ZGRF1: variants seen among roughly 807,000 people sequenced by gnomAD.
The protein encoded by ZGRF1 is zinc finger GRF-type containing 1.
A neutral mutation model predicts 203.5 loss-of-function variants in ZGRF1; 196 were observed. That is an observed-to-expected ratio of 0.96 (90% CI 0.86 to 1.08). The LOEUF (loss-of-function observed/expected upper bound fraction) is 1.08. Among genes scored for constraint, ZGRF1 ranks in the 50% least tolerant of loss-of-function variants. The pLI, the probability that ZGRF1 is intolerant of heterozygous loss-of-function variation, is 0.00. For missense variants in ZGRF1, 2,326 were observed against 2,416.3 expected, an observed-to-expected ratio of 0.96 and a Z score of 0.78; for synonymous variants, 809 against 841.3, an observed-to-expected ratio of 0.96 and a Z score of 0.66.
Position 112,540,938 on chromosome 4 carries a change from G to A in ZGRF1, c.5793C>T (p.Ser1931=). Reference sequence around the variant, plus strand: ...ACGTAGCTTCTGCCACATTATGAAAGCTGTTATCTCTTTCTATCTGGAGTA... The same window carrying A: ...ACGTAGCTTCTGCCACATTATGAAAACTGTTATCTCTTTCTATCTGGAGTA... ...KGLEQIERDN[S]FHNVAEATFT... The change falls in exon 26 of 28, where the codon AGC becomes AGT. Residue 1931 remains serine, a synonymous_variant. Transcript: ENST00000505019. 6.4e-7 allele frequency: 1 copy of A among 1,572,004 alleles called. No individual in the cohort carries two copies. The highest frequency in any genetic ancestry group is 8.6e-7 in the Non-Finnish European group (1 of 1,156,780).
rs758896729 is a variant in ZGRF1, at chr4:112,547,377, C to A, written c.5506G>T (p.Asp1836Tyr). 2 of 1,612,316 alleles carry A rather than the reference C, an allele frequency of 1.2e-6. No individual in the cohort carries two copies. Among genetic ancestry groups the A allele is most frequent in the Non-Finnish European group, 1.7e-6 (2 of 1,179,292 alleles). Residue 1836 changes from aspartate to tyrosine, a missense_variant, in exon 24 of 28, where the codon GAT becomes TAT. Physicochemically the swap from Asp to Tyr is radical, Grantham distance 160. Transcript: ENST00000505019. ...FECEKLILVGDPKQLPPTIQG... is the reference protein window; with the variant it reads ...FECEKLILVGYPKQLPPTIQG... ...ATAGTAGGAGGTAGCTGTTTGGGAT[C>A]CCCAACAAGAATCAGCTTTTCACAC...
intron 7 of ZGRF1, among the ~76,000 whole-genome samples, chr4:112,612,101 G>C (rs902964101): frequency 5.9e-5 from 9 of 152,104 alleles, no homozygotes; most frequent in African/African-American, 2.4e-5. Flanking sequence ...AAGTAGCTGA[G>C]ATTACAGGTG....
intron 22 of ZGRF1, among the ~76,000 whole-genome samples, chr4:112,550,870 AGAAGT>A (rs1739822583): frequency 6.6e-6 from 1 of 152,174 alleles, no homozygotes; most frequent in Admixed American, 6.5e-5. Context: ...AAATTTTTTT[AGAAGT>A]CTACAGTAGT....
chr4:112,618,664 G>C lies in ZGRF1; in HGVS notation c.1378C>G (p.Gln460Glu). The change falls in exon 6 of 28, where the codon CAG (glutamine) becomes GAG (glutamate). Residue 460 changes from glutamine (Q) to glutamate (E), a missense_variant. Coordinates refer to ENST00000505019, the MANE Select transcript of ZGRF1 (RefSeq NM_018392.5). ...KGSVLIKENA[Q>E]EVNTCGTLEK... ...AGTGTTCCACATGTATTTACCTCCT[G>C]AGCATTTTCTTTAATGAGAACTGAT... The C allele has an allele frequency of 6.2e-7, 1 of 1,612,972 alleles. No homozygotes were observed. Among genetic ancestry groups the C allele is most frequent in the Non-Finnish European group, 8.5e-7 (1 of 1,179,730 alleles).
At chr4:112,576,695 G>C (rs1369635447) in intron 16 of ZGRF1, among the ~76,000 whole-genome samples, 1 of 152,134 alleles carries the variant, frequency 6.6e-6, no homozygotes, top group Non-Finnish European at 1.5e-5. Context: ...AAGATCAAAT[G>C]AATGAAATGA....
intron 3 of ZGRF1, among the ~76,000 whole-genome samples, chr4:112,626,151 G>A (rs1408335911): frequency 2.0e-5 from 3 of 152,128 alleles, no homozygotes; most frequent in South Asian, 2.1e-4. Flanking sequence ...TTTTGGTGGT[G>A]ACAAAAATAT....
In ZGRF1 at chr4:112,587,906, C is replaced by A; in HGVS notation, c.3151G>T (p.Glu1051Ter). The part of the protein sequence containing the change: ...LEGMKKSRSL[E>*]NENLQRLSLL... ...GAAAGCCTTTGAAGGTTCTCATTCT[C>A]CAGAGAACGGGATTTTTTCATCCCT... Residue 1051 changes from glutamate to a stop codon, truncating the protein, a stop_gained, in exon 12 of 28, where the codon GAG becomes TAG. Coordinates refer to ENST00000505019, the MANE Select transcript of ZGRF1 (RefSeq NM_018392.5). LOFTEE classifies it high-confidence loss of function. 6.5e-7 allele frequency: 1 copy of A among 1,531,314 alleles called. No individual in the cohort carries two copies. Among genetic ancestry groups the A allele is most frequent in the Non-Finnish European group, 8.8e-7 (1 of 1,140,490 alleles). The allele number at this position is 1,531,314 out of a possible 1,614,324, so 94.9% of individuals were successfully genotyped here. A position where few individuals can be genotyped will look rare whatever the true frequency, so the allele number is the denominator to read the frequency against.
chr4:112,606,584 G>T (rs1020846337), intron 8 of ZGRF1, among the ~76,000 whole-genome samples: 2 of 151,714 alleles, frequency 1.3e-5, no homozygotes, highest in African/African-American at 4.8e-5. Flanking sequence ...CTTGAACCCT[G>T]GAGGCAGAGA....
At chr4:112,619,895 A>G in intron 5 of ZGRF1, 107 bp downstream of exon 5, 1 of 981,246 alleles carries the variant, frequency 1.0e-6, no homozygotes, top group African/African-American at 1.6e-5. Flanking sequence ...TAAGTATACT[A>G]TGAAGTGCCC....
chr4:112,589,499 A>C (rs1747789067), intron 11 of ZGRF1: 1 of 542,938 alleles, frequency 1.8e-6, no homozygotes, highest in Admixed American at 3.2e-5. Context: ...GTGTTGACAA[A>C]GTTGGGAGGA....
In ZGRF1 at chr4:112,617,565, A is replaced by T; in HGVS notation, c.2477T>A (p.Ile826Asn). 6.2e-7 allele frequency: 1 copy of T among 1,613,652 alleles called. No homozygotes were observed. Among genetic ancestry groups the T allele is most frequent in the Non-Finnish European group, 8.5e-7 (1 of 1,179,834 alleles). Residue 826 changes from isoleucine to asparagine, a missense_variant, in exon 6 of 28, where the codon ATT becomes AAT. By Grantham distance (149) the Ile-to-Asn change is moderately radical (BLOSUM62 -3). Coordinates refer to ENST00000505019, the MANE Select transcript of ZGRF1 (RefSeq NM_018392.5). The part of the protein sequence containing the change: ...SSELSGLVNT[I>N]SILKSLCEHS... Reference sequence around the variant, plus strand: ...TTCACATAGCGACTTTAAAATAGAAATGGTATTTACTAATCCAGAAAGTTC... The same window carrying T: ...TTCACATAGCGACTTTAAAATAGAATTGGTATTTACTAATCCAGAAAGTTC...
rs1737521039 is a variant in ZGRF1, at chr4:112,541,223, C to T, written c.5644G>A (p.Ala1882Thr). 1 of 1,608,768 alleles carries T rather than the reference C, an allele frequency of 6.2e-7. No individual in the cohort carries two copies. The highest frequency in any genetic ancestry group is 2.2e-5 in the East Asian group (1 of 44,828). ...AGATCATTAGCAATAGCACTGATTGCAGGATGACAACGGTATTGAGTTCTC... is the reference window on the plus strand; with the variant it reads ...AGATCATTAGCAATAGCACTGATTGTAGGATGACAACGGTATTGAGTTCTC... The part of the protein sequence containing the change: ...LLRTQYRCHP[A>T]ISAIANDLFY... The change falls in exon 25 of 28, where the codon GCA (alanine) becomes ACA (threonine). Residue 1882 changes from alanine to threonine, a missense_variant. By Grantham distance (58) the Ala-to-Thr change is moderately conservative. Transcript: ENST00000505019.
In ZGRF1 at chr4:112,552,276, C is replaced by CA. The variant is rs893477924; in HGVS notation, c.5346+1558dup. Among the ~76,000 whole-genome samples the CA allele has an allele frequency of 6.7e-3, 668 of 99,460 alleles. 1 individual carries two copies. Among genetic ancestry groups the CA allele is most frequent in the African/African-American group, 0.019 (463 of 25,016 alleles). The allele number at this position is 99,460 out of a possible 152,430, so 65.2% of individuals were successfully genotyped here. A position where few individuals can be genotyped will look rare whatever the true frequency, so the allele number is the denominator to read the frequency against. On this transcript the variant is annotated intron_variant, in intron 22 of 27. Transcript: ENST00000505019. Reference sequence around the variant, plus strand: ...TGGGTGACAGAGCGAGACTCTGGCTCAAAAAAAAAAAAAAAGAAAGAAAGA... The same window carrying CA: ...TGGGTGACAGAGCGAGACTCTGGCTCAAAAAAAAAAAAAAAAGAAAGAAAGA...
chr4:112,629,982 G>A (rs1028246795), intron 3 of ZGRF1: 4 of 261,618 alleles, frequency 1.5e-5, no homozygotes, highest in Admixed American at 4.6e-5. Context: ...CTGTGCCACT[G>A]CACTCCAGCC....
intron 9 of ZGRF1, among the ~76,000 whole-genome samples, chr4:112,603,958 C>T (rs182050567): frequency 1.3e-5 from 2 of 152,266 alleles, no homozygotes; most frequent in East Asian, 1.9e-4. Context: ...CATGGTGGCT[C>T]ACATCTGTAA....
In ZGRF1 at chr4:112,624,876, A is replaced by G. The variant is rs142134120; in HGVS notation, c.103-1000T>C. Among the ~76,000 whole-genome samples the G allele has an allele frequency of 1.2e-3, 188 of 152,302 alleles. 1 individual carries two copies. Among genetic ancestry groups the G allele is most frequent in the African/African-American group, 4.1e-3 (172 of 41,566 alleles). On this transcript the variant is annotated intron_variant, in intron 3 of 27. Coordinates refer to ENST00000505019, the MANE Select transcript of ZGRF1 (RefSeq NM_018392.5). The stretch of plus-strand genomic sequence containing the variant: ...ATACCCAACAGAAATAAAAACATAT[A>G]TCTATACAAAAACTTGCACATTAAT...
At chr4:112,563,336 G>GA in intron 16 of ZGRF1, 62 bp from the exon 17 acceptor site, 2 of 1,247,958 alleles carry the variant, frequency 1.6e-6, no homozygotes, top group Non-Finnish European at 2.2e-6. Flanking sequence ...TATATTTTTA[G>GA]AAATTATATA....
chr4:112,598,135 T>C (rs1749348592), intron 10 of ZGRF1, among the ~76,000 whole-genome samples: 2 of 152,098 alleles, frequency 1.3e-5, no homozygotes, highest in South Asian at 2.1e-4. Flanking sequence ...AAGGCAGCAA[T>C]GGGCATTCTT....
chr4:112,558,365 T>G (rs1741342660), intron 19 of ZGRF1, 56 bp from the exon 20 acceptor site: 1 of 1,343,552 alleles, frequency 7.4e-7, no homozygotes, highest in South Asian at 1.8e-5. Flanking sequence ...AAATTTCTTT[T>G]TTCTTTTCTT....
Sources: gnomAD v4.1 joint callset for allele counts (sites outside exome capture counted in the v4.1 genomes callset) on GRCh38, gnomAD v4.1.1 for gene constraint, MANE v1.5 for transcripts, NCBI Gene and HGNC (gene_info 2026-07-23, HGNC 2026-07-21) for gene names.